PCDHA8: variants seen among roughly 807,000 people sequenced by gnomAD.
PCDHA8 encodes the protein protocadherin alpha 8.
PCDHA8 carries 53 observed loss-of-function variants against 61.8 expected under a neutral mutation model. The ratio of observed to expected loss-of-function variants is 0.86; its 90% confidence interval spans 0.69 to 1.08. The LOEUF is 1.08. Among genes scored for constraint, PCDHA8 ranks in the 50% least tolerant of loss-of-function variants. The probability of loss-of-function intolerance (pLI) is 0.00; values close to 1 mark genes in which losing one functional copy is unlikely to be tolerated. For missense variants in PCDHA8, 1,293 were observed against 1,245.0 expected (o/e 1.04, Z -0.58); for synonymous variants, 618 against 556.6 (o/e 1.11, Z -1.55).
At position 140,842,147 on chromosome 5, in the gene PCDHA8, GC is replaced by G. The variant is rs2150330571; in HGVS notation, c.827del (p.Ala276GlufsTer20). On this transcript the variant is annotated frameshift_variant, in exon 1 of 4. Coordinates refer to ENST00000531613, the MANE Select transcript of PCDHA8 (RefSeq NM_018911.3). LOFTEE classifies it high-confidence loss of function. ...TGATCCGGATGAAGGAGCCAATGGG[GC>G]AATTTCATATTCTTTTAATAGCCTT... ...ASDPDEGANG[A>X]ISYSFNSLVE... 6.2e-7 allele frequency: 1 copy of G among 1,613,842 alleles called. No homozygotes were observed. Among genetic ancestry groups the G allele is most frequent in the East Asian group, 2.2e-5 (1 of 44,874 alleles).
intron 1 of PCDHA8, among the ~76,000 whole-genome samples, chr5:140,978,727 G>A (rs1382730289): frequency 1.3e-5 from 2 of 152,198 alleles, no homozygotes; most frequent in South Asian, 2.1e-4. Flanking sequence ...TATTAAATCT[G>A]GTCTTCCAGG....
intron 3 of PCDHA8, among the ~76,000 whole-genome samples, chr5:140,999,088 G>A (rs1429141341): frequency 1.3e-5 from 2 of 152,274 alleles, no homozygotes; most frequent in African/African-American, 4.8e-5. Flanking sequence ...TCCTTCAGAG[G>A]GCTATGGAGA....
intron 1 of PCDHA8, among the ~76,000 whole-genome samples, chr5:140,903,855 AAT>A (rs2070667296): frequency 6.6e-6 from 1 of 152,186 alleles, no homozygotes; most frequent in Non-Finnish European, 1.5e-5. Context: ...CTTAACAAAT[AAT>A]ATAGAGTAAA....
At chr5:140,852,732 A>G (rs2042454290) in intron 1 of PCDHA8, 4 of 983,854 alleles carry the variant, frequency 4.1e-6, no homozygotes, top group Non-Finnish European at 3.7e-6. Flanking sequence ...TTCAAGTTTC[A>G]TGTGCCATTT....
intron 1 of PCDHA8, among the ~76,000 whole-genome samples, chr5:140,924,989 C>T (rs782768303): frequency 7.9e-5 from 12 of 151,328 alleles, no homozygotes; most frequent in Admixed American, 1.3e-4. Context: ...GTCTGTAATC[C>T]TAGCACTTTA....
At chr5:140,870,370 GT>G in intron 1 of PCDHA8, 1 of 1,614,208 alleles carries the variant, frequency 6.2e-7, no homozygotes. Context: ...CTATGAACTG[GT>G]GGTGACTGCG....
intron 1 of PCDHA8, chr5:140,876,344 G>T (rs1554168492): frequency 6.2e-7 from 1 of 1,614,040 alleles, no homozygotes; most frequent in Admixed American, 1.7e-5. Flanking sequence ...AGTGAGAAAT[G>T]TATGTTTTCA....
Position 140,883,198 on chromosome 5 carries a change from C to G in PCDHA8, c.2394+39483C>G, listed in dbSNP as rs145698462. 1.9e-6 allele frequency: 3 copies of G among 1,613,572 alleles called. No individual in the cohort carries two copies. Among genetic ancestry groups the G allele is most frequent in the Admixed American group, 1.7e-5 (1 of 59,932 alleles). On this transcript the variant is annotated intron_variant, in intron 1 of 3. Transcript: ENST00000531613. ...TTAGGACAAAAGGCAAACTAGATTT[C>G]GAAGAAAAGAAATTATATGAAATAT...
intron 3 of PCDHA8, among the ~76,000 whole-genome samples, chr5:140,989,670 C>G (rs907417768): frequency 6.6e-6 from 1 of 152,104 alleles, no homozygotes. Flanking sequence ...GAAACTCTGC[C>G]CAGATTTCAA....
chr5:141,007,366 CATG>C (rs1319534619), intron 3 of PCDHA8, among the ~76,000 whole-genome samples: 13 of 118,904 alleles, frequency 1.1e-4, no homozygotes, highest in Admixed American at 7.7e-4. Flanking sequence ...GCCTGGGCAA[CATG>C]ATGGAACACC....
chr5:140,917,370 C>G (rs571895312), intron 1 of PCDHA8, among the ~76,000 whole-genome samples: 24 of 150,458 alleles, frequency 1.6e-4, no homozygotes, highest in African/African-American at 5.8e-4. Context: ...CTATCTTGCT[C>G]CACCTCAATA....
chr5:140,991,642 A>T (rs2097463636), intron 3 of PCDHA8, among the ~76,000 whole-genome samples: 2 of 152,160 alleles, frequency 1.3e-5, no homozygotes, highest in South Asian at 4.1e-4. Flanking sequence ...CAATCTGTTC[A>T]TGACAATTTA....
intron 1 of PCDHA8, among the ~76,000 whole-genome samples, chr5:140,904,056 G>A (rs1474308111): frequency 6.6e-6 from 1 of 151,944 alleles, no homozygotes; most frequent in Non-Finnish European, 1.5e-5. Context: ...TATTTCAATG[G>A]GTTTTTGGGG....
intron 1 of PCDHA8, among the ~76,000 whole-genome samples, chr5:140,900,334 G>A (rs552378783): frequency 4.2e-4 from 64 of 152,060 alleles, no homozygotes; most frequent in East Asian, 1.6e-3. Context: ...CTGGAGTACC[G>A]TGGCGCAATC....
intron 2 of PCDHA8, among the ~76,000 whole-genome samples, chr5:140,982,032 C>G (rs1554243678): frequency 1.3e-5 from 2 of 152,162 alleles, no homozygotes; most frequent in Non-Finnish European, 2.9e-5. Flanking sequence ...GAACAATACT[C>G]CAATTATCAG....
intron 1 of PCDHA8, among the ~76,000 whole-genome samples, chr5:140,906,598 C>T (rs1258343234): frequency 6.6e-6 from 1 of 152,238 alleles, no homozygotes; most frequent in African/African-American, 2.4e-5. Flanking sequence ...TCCTCTACTA[C>T]TCATTCTGTA....
Position 140,870,763 on chromosome 5 carries a change from G to C in PCDHA8, c.2394+27048G>C, listed in dbSNP as rs1386684596. The stretch of plus-strand genomic sequence containing the variant: ...CAGCAACGTGACGCTGCAGGTGTTC[G>C]TGCTGGACGAGAACGACAACGCGCC... On this transcript the variant is annotated intron_variant, in intron 1 of 3. Transcript: ENST00000531613. 1.1e-5 allele frequency: 18 copies of C among 1,613,434 alleles called. No individual in the cohort carries two copies. Among genetic ancestry groups the C allele is most frequent in the Admixed American group, 3.3e-5 (2 of 60,004 alleles).
intron 3 of PCDHA8, among the ~76,000 whole-genome samples, chr5:140,994,795 G>A (rs2097650396): frequency 6.6e-6 from 1 of 152,184 alleles, no homozygotes; most frequent in Admixed American, 6.6e-5. Flanking sequence ...ATGCGTGCAT[G>A]CAAAAACAAA....
intron 3 of PCDHA8, among the ~76,000 whole-genome samples, chr5:141,008,980 A>C (rs533099581): frequency 6.6e-6 from 1 of 152,374 alleles, no homozygotes; most frequent in African/African-American, 2.4e-5. Context: ...GCCAAAGTTT[A>C]ATCTAGACAC....
Sources: gnomAD v4.1 joint callset for allele counts (sites outside exome capture counted in the v4.1 genomes callset) on GRCh38, gnomAD v4.1.1 for gene constraint, MANE v1.5 for transcripts, NCBI Gene and HGNC (gene_info 2026-07-23, HGNC 2026-07-21) for gene names.